SEZ6: variants seen among roughly 807,000 people sequenced by gnomAD.
SEZ6 encodes seizure related 6 homolog.
SEZ6 carries 53 observed loss-of-function variants against 101.0 expected under a neutral mutation model. The ratio of observed to expected loss-of-function variants is 0.52; its 90% CI spans 0.42 to 0.66. SEZ6 has a LOEUF of 0.66. Among genes scored for constraint, SEZ6 ranks in the 30% least tolerant of loss-of-function variants. SEZ6 has a pLI of 0.00. For synonymous variants in SEZ6, 488 were observed against 512.2 expected (o/e 0.95, Z 0.64); for missense variants, 1,102 against 1,289.4 (o/e 0.85, Z 2.23).
rs372064354 is a variant in SEZ6, at chr17:28,988,146, C to T, written c.56-6107G>A. 4.8e-4 allele frequency among the ~76,000 whole-genome samples: 73 copies of T among 152,316 alleles called. 1 individual carries two copies. The South Asian group carries it at 0.014, about 30-fold the overall frequency. On this transcript the variant is annotated intron_variant, in intron 1 of 16. Coordinates refer to ENST00000317338, the MANE Select transcript of SEZ6 (RefSeq NM_178860.5). Reference sequence around the variant, plus strand: ...TCCCCGTTTTGGCCCCAATTGCTCACGCGATTCTCTCTCCTTGCCATGGCT... The same window carrying T: ...TCCCCGTTTTGGCCCCAATTGCTCATGCGATTCTCTCTCCTTGCCATGGCT...
At chr17:28,967,850 T>C (rs977716897) in intron 4 of SEZ6, among the ~76,000 whole-genome samples, 10 of 152,146 alleles carry the variant, frequency 6.6e-5, no homozygotes, top group Non-Finnish European at 5.9e-5. Flanking sequence ...CAGGATGAGC[T>C]TCCTCCTGTT....
Position 28,969,895 on chromosome 17 carries a change from G to A in SEZ6, c.916C>T (p.Pro306Ser), listed in dbSNP as rs546693444. The A allele has an allele frequency of 5.8e-6, 9 of 1,544,134 alleles. No homozygotes were observed. In the South Asian group the frequency reaches 1.1e-4, roughly 19 times the overall value. The change falls in exon 4 of 17, where the codon CCT becomes TCT. Residue 306 changes from proline (P) to serine (S), a missense_variant. Pro to Ser is a moderately conservative substitution (Grantham distance 74). Coordinates refer to ENST00000317338, the MANE Select transcript of SEZ6 (RefSeq NM_178860.5). ...TGGTTGGCCAGGGGCAGTGGGTCAG[G>A]CCCCCCCAGGCCTTCCACAGTCACT... ...ETVTVEGLGG[P>S]DPLPLANQSF...
chr17:28,979,539 C>A, intron 3 of SEZ6, 141 bp downstream of exon 3: 1 of 1,251,128 alleles, frequency 8.0e-7, no homozygotes, highest in Non-Finnish European at 1.1e-6. Context: ...CCATTTAGGC[C>A]CATCTCCCAG....
Position 28,981,568 on chromosome 17 carries a change from G to A in SEZ6, c.527C>T (p.Pro176Leu). The change falls in exon 2 of 17, where the codon CCC becomes CTC. Residue 176 changes from proline to leucine, a missense_variant. Physicochemically the swap from Pro to Leu is moderately conservative, Grantham distance 98 (BLOSUM62 -3). Coordinates refer to ENST00000317338, the MANE Select transcript of SEZ6 (RefSeq NM_178860.5). The part of the protein sequence containing the change: ...LGPGEIASTT[P>L]PSRAWTPTQE... Reference sequence around the variant, plus strand: ...GGTTGGTGTCCAGGCTCTGCTGGGGGGTGTAGTGCTGGCTATCTCCCCTGG... The same window carrying A: ...GGTTGGTGTCCAGGCTCTGCTGGGGAGTGTAGTGCTGGCTATCTCCCCTGG... The A allele has an allele frequency of 6.2e-7, 1 of 1,611,824 alleles. No homozygotes were observed. Among genetic ancestry groups the A allele is most frequent in the Non-Finnish European group, 8.5e-7 (1 of 1,178,780 alleles).
At chr17:29,000,428 A>G (rs2041600503) in intron 1 of SEZ6, among the ~76,000 whole-genome samples, 2 of 152,216 alleles carry the variant, frequency 1.3e-5, no homozygotes, top group Non-Finnish European at 2.9e-5. Flanking sequence ...AGTCATGTGA[A>G]ACGCTTGACC....
rs528192756 is a variant in SEZ6 at position 28,969,861 on chromosome 17, A to G, written c.950T>C (p.Leu317Pro). 5.9e-6 allele frequency: 9 copies of G among 1,536,240 alleles called. No homozygotes were observed. In the Admixed American group the frequency reaches 9.6e-5, roughly 16 times the overall value. ...DPLPLANQSF[L>P]LRGQVIRSPT... ...GCTGCGGATGACTTGGCCCCGCAGC[A>G]GGAAAGACTGGTTGGCCAGGGGCAG... The change falls in exon 4 of 17, where the codon CTG (leucine) becomes CCG (proline). Residue 317 changes from leucine (L) to proline (P), a missense_variant. Leu to Pro is a moderately conservative substitution (Grantham distance 98). This residue lies in a region of SEZ6 where 406 missense variants were observed against 418.6 expected (regional missense o/e 0.97). Coordinates refer to ENST00000317338, the MANE Select transcript of SEZ6 (RefSeq NM_178860.5).
chr17:28,990,197 A>G (rs549324547), intron 1 of SEZ6, among the ~76,000 whole-genome samples: 1 of 152,324 alleles, frequency 6.6e-6, no homozygotes, highest in East Asian at 1.9e-4. Flanking sequence ...AAGATTTGCA[A>G]CTTTCCCAAT....
At chr17:28,978,124 T>A (rs970874811) in intron 3 of SEZ6, among the ~76,000 whole-genome samples, 1 of 151,974 alleles carries the variant, frequency 6.6e-6, no homozygotes, top group Non-Finnish European at 1.5e-5. Flanking sequence ...CAGTCCCCAA[T>A]CCAGGGACAT....
rs772219310 is a variant in SEZ6 at position 28,979,753 on chromosome 17, C to A, written c.785G>T (p.Ser262Ile). The A allele has an allele frequency of 6.2e-7, 1 of 1,613,748 alleles. No individual in the cohort carries two copies. Among genetic ancestry groups the A allele is most frequent in the East Asian group, 2.2e-5 (1 of 44,868 alleles). Residue 262 changes from serine (S) to isoleucine (I), a missense_variant, in exon 3 of 17, where the codon AGC (serine) becomes ATC (isoleucine). This residue lies in a region of SEZ6 where 406 missense variants were observed against 418.6 expected (regional missense o/e 0.97). Coordinates refer to ENST00000317338, the MANE Select transcript of SEZ6 (RefSeq NM_178860.5). ...EGSLDSPTDL[S>I]SPTDVGLDCF... ...GTCCAGGCCAACATCAGTGGGGGAG[C>A]TGAGGTCTGTAGGGGAGTCCAGAGA...
Position 28,955,596 on chromosome 17 carries a change from G to A in SEZ6, c.*366C>T, listed in dbSNP as rs774111513. On this transcript the variant is annotated 3_prime_UTR_variant, in exon 17 of 17. Coordinates refer to ENST00000317338, the MANE Select transcript of SEZ6 (RefSeq NM_178860.5). ...CTGCTGCAGGTTGCCATGCCAGGGC[G>A]GGATGGTGGTCATGTGGAGAAAGGT... The A allele has an allele frequency of 3.2e-5, 16 of 502,842 alleles. No individual in the cohort carries two copies. Among genetic ancestry groups the A allele is most frequent in the Admixed American group, 1.1e-4 (5 of 43,854 alleles). The allele number at this position is 502,842 out of a possible 1,614,324, so 31.1% of individuals were successfully genotyped here.
chr17:28,966,085 G>T (rs1271218638), intron 4 of SEZ6, among the ~76,000 whole-genome samples: 1 of 151,800 alleles, frequency 6.6e-6, no homozygotes, highest in Admixed American at 6.6e-5. Context: ...GGAGGTTGCA[G>T]TGAGTCGATA....
chr17:28,955,382 A>T lies in SEZ6; in HGVS notation c.*580T>A, dbSNP rs1236276782. 1 of 306,838 alleles carries T rather than the reference A, an allele frequency of 3.3e-6. No individual in the cohort carries two copies. Among genetic ancestry groups the T allele is most frequent in the Non-Finnish European group, 6.5e-6 (1 of 153,590 alleles). The allele number at this position is 306,838 out of a possible 1,614,324, so 19.0% of individuals were successfully genotyped here. A position where few individuals can be genotyped will look rare whatever the true frequency, so the allele number is the denominator to read the frequency against. ...CCTGAACCCCTTAGGATCTCCTAGA[A>T]TTACTGCCTCCACTGGGACAGGGCA... On this transcript the variant is annotated 3_prime_UTR_variant, in exon 17 of 17. Coordinates refer to ENST00000317338, the MANE Select transcript of SEZ6 (RefSeq NM_178860.5).
intron 2 of SEZ6, 136 bp downstream of exon 2, chr17:28,981,235 T>G: frequency 7.1e-7 from 1 of 1,415,176 alleles, no homozygotes; most frequent in Non-Finnish European, 9.3e-7. Context: ...CTGGGTCCAA[T>G]CTACATGCCT....
rs2041680672 is a variant in SEZ6, at chr17:29,005,767, G to A, written c.55+48C>T. 1 of 1,469,024 alleles carries A rather than the reference G, an allele frequency of 6.8e-7. No individual in the cohort carries two copies. Among genetic ancestry groups the A allele is most frequent in the Admixed American group, 2.2e-5 (1 of 46,012 alleles). The allele number at this position is 1,469,024 out of a possible 1,614,324, so 91.0% of individuals were successfully genotyped here. On this transcript the variant is annotated intron_variant, in intron 1 of 16. Coordinates refer to ENST00000317338, the MANE Select transcript of SEZ6 (RefSeq NM_178860.5). This position sits in a 1 kb window ranked among gnomAD's most constrained non-coding sequence, Gnocchi z 4.8. ...ACCGGGTCTCCCTTCCCACCCCTGG[G>A]GCCCCGCTCCCGCCCCCGTCCTGCC...
At chr17:28,973,657 C>G (rs1313509248) in intron 3 of SEZ6, among the ~76,000 whole-genome samples, 3 of 152,206 alleles carry the variant, frequency 2.0e-5, no homozygotes, top group Non-Finnish European at 4.4e-5. Context: ...TGTGGGTCTG[C>G]TGCAGTGGCT....
At chr17:28,988,561 A>G (rs1235270501) in intron 1 of SEZ6, among the ~76,000 whole-genome samples, 1 of 152,204 alleles carries the variant, frequency 6.6e-6, no homozygotes, top group Non-Finnish European at 1.5e-5. Context: ...CCCAACTGGC[A>G]GTTGATGGGG....
chr17:28,964,915 G>A (rs1377736808), intron 4 of SEZ6, among the ~76,000 whole-genome samples: 1 of 151,840 alleles, frequency 6.6e-6, no homozygotes. Flanking sequence ...AATTAGCCGG[G>A]CATGGTGGCG....
At position 28,956,205 on chromosome 17, in the gene SEZ6, C is replaced by T. The variant is rs1356821459; in HGVS notation, c.2906G>A (p.Arg969His). 3 of 1,232,158 alleles carry T rather than the reference C, an allele frequency of 2.4e-6. No homozygotes were observed. The highest frequency in any genetic ancestry group is 2.5e-5 in the Admixed American group (1 of 39,990). The allele number at this position is 1,232,158 out of a possible 1,614,324, so 76.3% of individuals were successfully genotyped here. The change falls in exon 16 of 17, where the codon CGC becomes CAC. Residue 969 changes from arginine (R) to histidine (H), a missense_variant. Around this residue, in one of 3 missense-constraint regions of SEZ6, gnomAD observed 140 missense variants for 135.7 expected, o/e 1.03. Transcript: ENST00000317338. ...GTCAAACGCTGACTCTATGGTAATG[C>T]GGTTGTAGGGGCGGGGGCGGGGGCG... ...LPRPRPRPYN[R>H]ITIESAFDNP...
Position 28,982,016 on chromosome 17 carries a change from C to T in SEZ6, c.79G>A (p.Val27Met), listed in dbSNP as rs201435582. 1.7e-4 allele frequency: 274 copies of T among 1,603,434 alleles called. No homozygotes were observed. The highest frequency in any genetic ancestry group is 2.3e-4 in the Admixed American group (14 of 59,632). ...ATGCCTGGGGCTTGTCCTTTCCCCA[C>T]GGTTGGGGCCTCTAAAGAGAGTCCT... ...AHGLSLEAPT[V>M]GKGQAPGIEE... Residue 27 changes from valine to methionine, a missense_variant, in exon 2 of 17, where the codon GTG becomes ATG. Transcript: ENST00000317338.
Sources: allele counts gnomAD v4.1 joint callset (sites outside exome capture counted in the v4.1 genomes callset), GRCh38; gene constraint gnomAD v4.1.1; regional missense constraint gnomAD v4.1.1; non-coding constraint Gnocchi (gnomAD v3.1); transcripts MANE v1.5; gene names NCBI Gene and HGNC (gene_info 2026-07-23, HGNC 2026-07-21).